The following SEPTIN10 variants were observed in gnomAD, a reference collection of about 807,000 sequenced individuals.
The protein encoded by SEPTIN10 is septin-10.
SEPTIN10 carries 66 observed loss-of-function variants against 54.8 expected under a neutral mutation model. The ratio of observed to expected loss-of-function variants is 1.21; its 90% confidence interval spans 0.99 to 1.48. The LOEUF is 1.48. Among genes scored for constraint, SEPTIN10 ranks in the 40% most tolerant of loss-of-function variants. The pLI is 0.00. For synonymous variants in SEPTIN10, 161 were observed against 181.0 expected (o/e 0.89, Z 0.89); for missense variants, 620 against 545.6 (o/e 1.14, Z -1.36).
At chr2:109,565,574 ATG>A (rs1471969590) in intron 7 of SEPTIN10, among the ~76,000 whole-genome samples, 187 bp downstream of exon 7, 2 of 152,198 alleles carry the variant, frequency 1.3e-5, no homozygotes, top group East Asian at 3.9e-4. Flanking sequence ...GGCGGGGGTA[ATG>A]TGTGTGTGGC....
intron 2 of SEPTIN10, among the ~76,000 whole-genome samples, chr2:109,588,872 A>T (rs1365722227): frequency 6.7e-6 from 1 of 148,724 alleles, no homozygotes; most frequent in Non-Finnish European, 1.5e-5. Flanking sequence ...AAAAAAAGCG[A>T]AAGAGGTATA....
chr2:109,547,528 G>A (rs975650347), intron 9 of SEPTIN10, among the ~76,000 whole-genome samples: 1 of 152,052 alleles, frequency 6.6e-6, no homozygotes, highest in Non-Finnish European at 1.5e-5. Context: ...ATACAATTCA[G>A]CAGTTTTTCA....
chr2:109,557,626 T>G (rs1684669859), intron 8 of SEPTIN10, among the ~76,000 whole-genome samples: 1 of 152,190 alleles, frequency 6.6e-6, no homozygotes, highest in Admixed American at 6.5e-5. Context: ...TTCCAACTTC[T>G]GACAATGTAA....
intron 9 of SEPTIN10, among the ~76,000 whole-genome samples, chr2:109,548,041 A>G (rs189212884): frequency 3.0e-4 from 46 of 152,330 alleles, no homozygotes; most frequent in African/African-American, 1.1e-3. Context: ...ACTGCTCATA[A>G]AAGAATTCTA....
intron 1 of SEPTIN10, among the ~76,000 whole-genome samples, chr2:109,594,404 G>A (rs1006495026): frequency 1.3e-5 from 2 of 152,156 alleles, no homozygotes; most frequent in African/African-American, 4.8e-5. Flanking sequence ...GAGAGAGGCT[G>A]TGCATGTCTA....
chr2:109,593,128 G>A lies in SEPTIN10; in HGVS notation c.31-9C>T. ...ATGTGAGACTGAAAGAGCTAAAAAA[G>A]GAATACAAAGGCTTAAAAGGAAACA... is the stretch of plus-strand genomic sequence containing the variant. On this transcript the variant is annotated splice_polypyrimidine_tract_variant and intron_variant, in intron 1 of 10. Coordinates refer to ENST00000397712, the MANE Select transcript of SEPTIN10 (RefSeq NM_144710.5). 2 of 1,578,466 alleles carry A rather than the reference G, an allele frequency of 1.3e-6. No homozygotes were observed. The highest frequency in any genetic ancestry group is 1.7e-6 in the Non-Finnish European group (2 of 1,162,176).
At chr2:109,612,413 T>C (rs1699448199) in intron 1 of SEPTIN10, among the ~76,000 whole-genome samples, 1 of 152,190 alleles carries the variant, frequency 6.6e-6, no homozygotes, top group African/African-American at 2.4e-5. Context: ...AATATGCTGG[T>C]TGTGATATCG....
At chr2:109,611,360 T>C (rs1345131135) in intron 1 of SEPTIN10, among the ~76,000 whole-genome samples, 2 of 151,858 alleles carry the variant, frequency 1.3e-5, no homozygotes, top group African/African-American at 4.8e-5. Flanking sequence ...ACTTTTGCTT[T>C]GCAAAAGACC....
At chr2:109,552,885 T>C in intron 9 of SEPTIN10, 2 of 545,010 alleles carry the variant, frequency 3.7e-6, no homozygotes, top group Non-Finnish European at 6.2e-6. Flanking sequence ...TGTACTGCTT[T>C]AAAAAAAAAG....
rs369425716 is a variant in SEPTIN10 at position 109,609,358 on chromosome 2, C to T, written c.30+4440G>A. On this transcript the variant is annotated intron_variant, in intron 1 of 10. Transcript: ENST00000397712. The stretch of plus-strand genomic sequence containing the variant: ...ACAAAGAATAATACAGGTTGCTCTT[C>T]CAGAAAACAGATCATTTAATTAAGG... 2.1e-4 allele frequency among the ~76,000 whole-genome samples: 32 copies of T among 152,216 alleles called. No individual in the cohort carries two copies. In the South Asian group the frequency reaches 6.4e-3, roughly 31 times the overall value.
At chr2:109,609,938 ATAAC>A (rs1336435844) in intron 1 of SEPTIN10, among the ~76,000 whole-genome samples, 4 of 152,192 alleles carry the variant, frequency 2.6e-5, no homozygotes, top group Admixed American at 1.3e-4. Flanking sequence ...TCAGTCAACA[ATAAC>A]TAATTATACA....
Position 109,544,304 on chromosome 2 carries a change from C to A in SEPTIN10, c.*5G>T. On this transcript the variant is annotated 3_prime_UTR_variant, in exon 11 of 11. Transcript: ENST00000397712. ...GATGACCTTCTGTGCTCTGGAACTTCTGTTTTACAAAAAATTGGAGCTGGA... is the reference window on the plus strand; with the variant it reads ...GATGACCTTCTGTGCTCTGGAACTTATGTTTTACAAAAAATTGGAGCTGGA... 6.3e-7 allele frequency: 1 copy of A among 1,591,886 alleles called. No individual in the cohort carries two copies.
At chr2:109,566,631 C>CT (rs899020127) in intron 6 of SEPTIN10, among the ~76,000 whole-genome samples, 2 of 151,884 alleles carry the variant, frequency 1.3e-5, no homozygotes, top group Non-Finnish European at 2.9e-5. Flanking sequence ...AAATTAATGT[C>CT]AATATAGTAA....
At chr2:109,544,523 G>C (rs1680686114) in intron 10 of SEPTIN10, 199 bp from the exon 11 acceptor site, 1 of 984,968 alleles carries the variant, frequency 1.0e-6, no homozygotes, top group Non-Finnish European at 1.2e-6. Flanking sequence ...GCTTGGTCCT[G>C]ATTTTGCAAA....
chr2:109,552,857 G>C lies in SEPTIN10; in HGVS notation c.1161+230C>G, dbSNP rs565708383. On this transcript the variant is annotated intron_variant, in intron 9 of 10. Transcript: ENST00000397712. ...TCCAGTTCATTGTAAGAATTTCAAC[G>C]ATTAGTGACTCCATAAATGTACTGC... The C allele has an allele frequency of 7.1e-6, 3 of 425,094 alleles. No homozygotes were observed. In the South Asian group the frequency reaches 1.2e-4, roughly 17 times the overall value. 26.3% of individuals were successfully genotyped at this position (425,094 alleles called of 1,614,324 possible).
chr2:109,557,787 A>G (rs28585452), intron 8 of SEPTIN10, among the ~76,000 whole-genome samples: 52,925 of 152,062 alleles, frequency 0.35, 11,169 homozygotes, highest in Middle Eastern at 0.55. Flanking sequence ...AAATAAAAAT[A>G]AAAACATTTT....
chr2:109,600,045 GC>G (rs1696277616), intron 1 of SEPTIN10, among the ~76,000 whole-genome samples: 1 of 152,168 alleles, frequency 6.6e-6, no homozygotes, highest in South Asian at 2.1e-4. Context: ...CACCTGTAGA[GC>G]CTTTGGAATC....
chr2:109,561,094 T>C (rs892308976), intron 8 of SEPTIN10, among the ~76,000 whole-genome samples: 2 of 152,072 alleles, frequency 1.3e-5, no homozygotes, highest in African/African-American at 4.8e-5. Flanking sequence ...ATCAAAATCC[T>C]CCCCAGGGCC....
intron 4 of SEPTIN10, among the ~76,000 whole-genome samples, chr2:109,583,780 T>C (rs1691785076): frequency 6.6e-6 from 1 of 152,166 alleles, no homozygotes; most frequent in South Asian, 2.1e-4. Context: ...GTGTGGTACA[T>C]ACCTACCATG....
Sources: allele counts gnomAD v4.1 joint callset (sites outside exome capture counted in the v4.1 genomes callset), GRCh38; gene constraint gnomAD v4.1.1; transcripts MANE v1.5; gene names NCBI Gene and HGNC (gene_info 2026-07-23, HGNC 2026-07-21).